Variants in SBNO1 observed in about 807,000 individuals in gnomAD.
SBNO1 encodes the protein protein strawberry notch homolog 1.
In SBNO1, 23 loss-of-function variants were observed where a neutral mutation model predicts 173.6. The observed-to-expected ratio is 0.13, with a 90% confidence interval of 0.10 to 0.19. The LOEUF is 0.19. SBNO1 is among the 10% of genes least tolerant of loss of function. The pLI, the probability that SBNO1 is intolerant of heterozygous loss-of-function variation, is 1.00. For missense variants in SBNO1, 1,238 were observed against 1,671.2 expected (o/e 0.74, Z 4.52); for synonymous variants, 632 against 571.5 (o/e 1.11, Z -1.51).
intron 1 of SBNO1, among the ~76,000 whole-genome samples, chr12:123,352,946 C>T (rs972501507): frequency 1.3e-5 from 2 of 152,124 alleles, no homozygotes; most frequent in African/African-American, 2.4e-5. Flanking sequence ...TACAGCCGCC[C>T]GCCACCATGC....
chr12:123,330,373 G>A (rs775469269), intron 9 of SBNO1, 46 bp downstream of exon 9: 12 of 1,088,190 alleles, frequency 1.1e-5, no homozygotes, highest in Admixed American at 1.9e-5. Context: ...TCTCACAGAT[G>A]AGTCAATATT....
Position 123,315,311 on chromosome 12 carries a change from T to C in SBNO1, c.3120+62A>G, listed in dbSNP as rs1869143460. On this transcript the variant is annotated intron_variant, in intron 23 of 31. Transcript: ENST00000602398. ...TTAGACAGTAACTACTTTCCTTTTG[T>C]GTTCCCGAAAGACACCATACACTAT... The C allele has an allele frequency of 3.8e-6, 5 of 1,302,620 alleles. No homozygotes were observed. In the South Asian group the frequency reaches 4.8e-5, roughly 13 times the overall value. The allele number at this position is 1,302,620 out of a possible 1,614,324, so 80.7% of individuals were successfully genotyped here.
Position 123,327,547 on chromosome 12 carries a change from T to C in SBNO1, c.1571A>G (p.Asp524Gly). ...GVGAMEIVAM[D>G]MKLRGMYIAR... ...AATGTACATTCCTCTAAGCTTCATA[T>C]CCATAGCAACTATTTCCATGGCACC... The change falls in exon 13 of 32, where the codon GAT becomes GGT. Residue 524 changes from aspartate to glycine, a missense_variant. Transcript: ENST00000602398. The C allele has an allele frequency of 6.2e-7, 1 of 1,613,870 alleles. No homozygotes were observed. The highest frequency in any genetic ancestry group is 8.5e-7 in the Non-Finnish European group (1 of 1,179,872).
At chr12:123,296,588 G>C (rs1251828031) in intron 31 of SBNO1, among the ~76,000 whole-genome samples, 1 of 150,098 alleles carries the variant, frequency 6.7e-6, no homozygotes, top group Non-Finnish European at 1.5e-5. Context: ...CTGAGATGGA[G>C]TATTGCTCTG....
Position 123,290,748 on chromosome 12 carries a change from T to C in SBNO1, c.*5160A>G, listed in dbSNP as rs2048499176. 6.6e-6 allele frequency: 1 copy of C among 152,134 alleles called. No individual in the cohort carries two copies. The highest frequency in any genetic ancestry group is 1.9e-4 in the East Asian group (1 of 5,196). The allele number at this position is 152,134 out of a possible 1,614,324, so 9.4% of individuals were successfully genotyped here. ...CTTAATGTACATTCTCTCTCTTTTT[T>C]TTTTTTCGAGACGGAGTCTCGGTCT... On this transcript the variant is annotated 3_prime_UTR_variant, in exon 32 of 32. Transcript: ENST00000602398.
At chr12:123,311,215 G>C in intron 24 of SBNO1, 86 bp from the exon 25 acceptor site, 1 of 942,808 alleles carries the variant, frequency 1.1e-6, no homozygotes, top group Non-Finnish European at 1.7e-6. Flanking sequence ...GTTGTAAGTA[G>C]TATCATGCCA....
At chr12:123,327,362 A>G in intron 13 of SBNO1, 64 bp downstream of exon 13, 1 of 1,444,620 alleles carries the variant, frequency 6.9e-7, no homozygotes, top group Non-Finnish European at 9.5e-7. Context: ...CGCAATCGCC[A>G]AAACTAACAG....
At chr12:123,340,519 T>TA (rs1173505716) in intron 5 of SBNO1, among the ~76,000 whole-genome samples, 1 of 134,504 alleles carries the variant, frequency 7.4e-6, no homozygotes, top group East Asian at 2.1e-4. Context: ...AGGTGGAGGT[T>TA]ACAGTGAGCC....
chr12:123,351,681 A>G (rs1462738270), intron 1 of SBNO1, among the ~76,000 whole-genome samples: 2 of 152,176 alleles, frequency 1.3e-5, no homozygotes, highest in South Asian at 2.1e-4. Flanking sequence ...ACTAAGAGGG[A>G]GCAGAAGACC....
chr12:123,295,858 T>C lies in SBNO1; in HGVS notation c.*50A>G. The stretch of plus-strand genomic sequence containing the variant: ...CTGTCCCTGATTTTTATGCAAATGA[T>C]ATGCTTCAACAGCATTTCAGATCCA... On this transcript the variant is annotated 3_prime_UTR_variant, in exon 32 of 32. Transcript: ENST00000602398. 6.3e-6 allele frequency: 10 copies of C among 1,584,408 alleles called. No individual in the cohort carries two copies. Among genetic ancestry groups the C allele is most frequent in the African/African-American group, 2.7e-5 (2 of 74,000 alleles).
rs773986006 is a variant in SBNO1, at chr12:123,311,077, C to T, written c.3273G>A (p.Ser1091=). 7.4e-6 allele frequency: 12 copies of T among 1,613,170 alleles called. No homozygotes were observed. The highest frequency in any genetic ancestry group is 1.1e-5 in the South Asian group (1 of 91,028). The change falls in exon 25 of 32, where the codon TCG becomes TCA. Residue 1091 remains serine (S), a synonymous_variant. Coordinates refer to ENST00000602398, the MANE Select transcript of SBNO1 (RefSeq NM_001167856.3). ...TACCTTTATCGAGAGTAAGAATTCC[C>T]GAGCGATCTTCTACATTTATCAGGC... ...GVGLINVEDR[S]GILTLDKDYN...
intron 1 of SBNO1, among the ~76,000 whole-genome samples, chr12:123,360,511 C>A (rs1875017684): frequency 6.6e-6 from 1 of 152,114 alleles, no homozygotes; most frequent in Non-Finnish European, 1.5e-5. Context: ...GTGGCGCAAT[C>A]TCGGCTCACT....
At chr12:123,311,712 CTATCTATCTATATATATA>C (rs1325921694) in intron 24 of SBNO1, among the ~76,000 whole-genome samples, 35 of 69,086 alleles carry the variant, frequency 5.1e-4, no homozygotes, top group South Asian at 1.6e-3. Context: ...ATCTATCTAT[CTATCTATCTATATATATA>C]TATATATATA....
At chr12:123,309,934 C>T in intron 25 of SBNO1, 78 bp from the exon 26 acceptor site, 1 of 1,108,732 alleles carries the variant, frequency 9.0e-7, no homozygotes, top group South Asian at 1.5e-5. Flanking sequence ...AGTTCAAGTC[C>T]CACTTTCTCT....
chr12:123,325,209 G>A (rs532627912), intron 15 of SBNO1, among the ~76,000 whole-genome samples: 239 of 152,286 alleles, frequency 1.6e-3, no homozygotes, highest in African/African-American at 5.6e-3. Context: ...CTGAATCTAA[G>A]CCAAGCTGTC....
intron 20 of SBNO1, 75 bp downstream of exon 20, chr12:123,319,825 A>C: frequency 7.4e-7 from 1 of 1,345,542 alleles, no homozygotes. Context: ...TTAAAAGGAA[A>C]AAGACTCTTC....
At chr12:123,326,763 C>T (rs1327843551) in intron 13 of SBNO1, among the ~76,000 whole-genome samples, 2 of 151,900 alleles carry the variant, frequency 1.3e-5, no homozygotes, top group Non-Finnish European at 2.9e-5. Context: ...TCATCTCTAC[C>T]AAAAAATACA....
chr12:123,334,804 C>T (rs950374881), intron 6 of SBNO1, among the ~76,000 whole-genome samples: 2 of 152,162 alleles, frequency 1.3e-5, no homozygotes, highest in South Asian at 4.2e-4. Context: ...TTCATAACAG[C>T]AGGTTCTCTA....
intron 24 of SBNO1, among the ~76,000 whole-genome samples, chr12:123,312,675 C>A (rs572989908): frequency 9.3e-5 from 14 of 151,306 alleles, no homozygotes; most frequent in African/African-American, 3.4e-4. Context: ...CACACCATTG[C>A]ACTCCAGCCC....
Sources: gnomAD v4.1 joint callset for allele counts (sites outside exome capture counted in the v4.1 genomes callset) on GRCh38, gnomAD v4.1.1 for gene constraint, MANE v1.5 for transcripts, NCBI Gene and HGNC (gene_info 2026-07-23, HGNC 2026-07-21) for gene names.